Variants in COMMD1 observed in about 807,000 individuals in gnomAD.
The protein encoded by COMMD1 is copper metabolism domain containing 1.
Under a neutral mutation model 17.2 loss-of-function variants are expected in COMMD1, and 10 were observed. The ratio of observed to expected loss-of-function variants is 0.58; its 90% CI spans 0.36 to 0.99. The LOEUF (loss-of-function observed/expected upper bound fraction) is 0.99. Ranked by LOEUF, COMMD1 falls within the 50% of genes least tolerant of loss-of-function variation. The probability of loss-of-function intolerance (pLI) is 0.01; values close to 1 mark genes in which losing one functional copy is unlikely to be tolerated. For synonymous variants in COMMD1, 97 were observed against 91.6 expected (o/e 1.06, Z -0.34); for missense variants, 270 against 231.8 (o/e 1.17, Z -1.07).
chr2:61,953,273 G>T, intron 1 of COMMD1, among the ~76,000 whole-genome samples: 1 of 152,016 alleles, frequency 6.6e-6, no homozygotes, highest in Non-Finnish European at 1.5e-5. Context: ...GCCTCCCAAC[G>T]TGCTGCTGGG....
intron 1 of COMMD1, among the ~76,000 whole-genome samples, chr2:61,924,434 TG>T (rs895431261): frequency 1.3e-5 from 1 of 77,548 alleles, no homozygotes; most frequent in East Asian, 3.9e-4. Flanking sequence ...AGGCATATGG[TG>T]GGGGGTCATG....
At chr2:61,915,815 C>T in intron 1 of COMMD1, 2 of 347,806 alleles carry the variant, frequency 5.8e-6, no homozygotes, top group South Asian at 4.5e-5. Context: ...CTTTATTTAA[C>T]TTATTTATTT....
intron 1 of COMMD1, among the ~76,000 whole-genome samples, chr2:61,932,145 C>G (rs1161423160): frequency 6.6e-6 from 1 of 152,236 alleles, no homozygotes; most frequent in Non-Finnish European, 1.5e-5. Context: ...CAGGCCTGAG[C>G]CACCGCGTCT....
At chr2:61,982,104 C>A (rs1671970113) in intron 1 of COMMD1, among the ~76,000 whole-genome samples, 1 of 152,186 alleles carries the variant, frequency 6.6e-6, no homozygotes, top group Admixed American at 6.5e-5. Flanking sequence ...AATATTGATT[C>A]TTCCAATCCA....
chr2:61,933,771 TC>T (rs1334546015), intron 1 of COMMD1, among the ~76,000 whole-genome samples: 7 of 118,316 alleles, frequency 5.9e-5, no homozygotes, highest in African/African-American at 3.1e-4. Flanking sequence ...TTTCTTTTTT[TC>T]TTTTTTTTGA....
At chr2:61,992,809 C>T (rs996005717) in intron 1 of COMMD1, among the ~76,000 whole-genome samples, 3 of 152,122 alleles carry the variant, frequency 2.0e-5, no homozygotes, top group African/African-American at 7.2e-5. Flanking sequence ...ATTTTTATTC[C>T]TCTGCGACAC....
chr2:62,025,942 C>G (rs768372151), intron 2 of COMMD1, among the ~76,000 whole-genome samples: 2 of 152,120 alleles, frequency 1.3e-5, no homozygotes, highest in Non-Finnish European at 2.9e-5. Flanking sequence ...GATCTGCCTG[C>G]CTTGGCCTCC....
At chr2:62,023,883 A>G (rs542220978) in intron 2 of COMMD1, among the ~76,000 whole-genome samples, 24 of 152,330 alleles carry the variant, frequency 1.6e-4, no homozygotes, top group African/African-American at 5.5e-4. Context: ...TACAATGGTT[A>G]TATCTACTCT....
At chr2:62,018,291 G>C (rs1270471392) in intron 2 of COMMD1, among the ~76,000 whole-genome samples, 1 of 152,188 alleles carries the variant, frequency 6.6e-6, no homozygotes, top group African/African-American at 2.4e-5. Context: ...GTGAGGAGCA[G>C]TTCACCAAAG....
intron 1 of COMMD1, among the ~76,000 whole-genome samples, chr2:61,950,560 G>C (rs1222510411): frequency 6.6e-6 from 1 of 152,186 alleles, no homozygotes; most frequent in African/African-American, 2.4e-5. Context: ...CTGAACCCTG[G>C]CCAAGGAATG....
intron 2 of COMMD1, among the ~76,000 whole-genome samples, chr2:62,126,649 G>C (rs1478097001): frequency 6.6e-6 from 1 of 152,078 alleles, no homozygotes. Flanking sequence ...GTAGATTCTA[G>C]ATATTAGACC....
At chr2:62,102,441 CTG>C (rs1672211548) in intron 2 of COMMD1, among the ~76,000 whole-genome samples, 1 of 152,164 alleles carries the variant, frequency 6.6e-6, no homozygotes, top group Admixed American at 6.5e-5. Flanking sequence ...TCTCTTTTTT[CTG>C]TGTCACTTGG....
intron 2 of COMMD1, among the ~76,000 whole-genome samples, chr2:62,127,036 T>C (rs540256045): frequency 6.6e-6 from 1 of 152,270 alleles, no homozygotes; most frequent in South Asian, 2.1e-4. Flanking sequence ...AGTCTCAGGA[T>C]ACAAAATCAG....
At chr2:62,005,453 C>T (rs1669084280) in intron 2 of COMMD1, among the ~76,000 whole-genome samples, 1 of 151,964 alleles carries the variant, frequency 6.6e-6, no homozygotes, top group African/African-American at 2.4e-5. Flanking sequence ...AATTGGAAGC[C>T]AAAGGGCTAA....
At chr2:61,913,366 CAAAAAAAA>C (rs767142777) in intron 1 of COMMD1, among the ~76,000 whole-genome samples, 28 of 41,994 alleles carry the variant, frequency 6.7e-4, no homozygotes, top group African/African-American at 2.2e-3. Context: ...GACTCCATCT[CAAAAAAAA>C]AAAAAAAAAA....
intron 1 of COMMD1, among the ~76,000 whole-genome samples, chr2:61,897,872 C>G (rs1362350916): frequency 1.3e-5 from 2 of 152,092 alleles, no homozygotes; most frequent in Non-Finnish European, 2.9e-5. Context: ...ATACTATTTA[C>G]AGAGGACTCA....
At chr2:62,017,509 A>C (rs1669484814) in intron 2 of COMMD1, among the ~76,000 whole-genome samples, 1 of 150,282 alleles carries the variant, frequency 6.7e-6, no homozygotes, top group African/African-American at 2.5e-5. Flanking sequence ...CTCTACAAAA[A>C]ATTAAAAAAA....
chr2:62,121,465 G>T (rs543497046), intron 2 of COMMD1, among the ~76,000 whole-genome samples: 3 of 150,824 alleles, frequency 2.0e-5, no homozygotes, highest in South Asian at 2.1e-4. Context: ...AGGACTGGGC[G>T]TGTTGCCTCA....
intron 1 of COMMD1, among the ~76,000 whole-genome samples, chr2:61,979,260 C>T (rs540404781): frequency 7.6e-4 from 115 of 152,150 alleles, no homozygotes; most frequent in Middle Eastern, 3.4e-3. Flanking sequence ...GGGTGGATCA[C>T]GAGGTCAGGG....
Sources: gnomAD v4.1 joint callset for allele counts (sites outside exome capture counted in the v4.1 genomes callset) on GRCh38, gnomAD v4.1.1 for gene constraint, MANE v1.5 for transcripts, NCBI Gene and HGNC (gene_info 2026-07-23, HGNC 2026-07-21) for gene names.